Variants in SEMA3C observed in about 807,000 individuals in gnomAD.
SEMA3C encodes semaphorin 3C, also known as semaphorin-3C.
SEMA3C carries 47 observed loss-of-function variants against 89.4 expected under a neutral mutation model. The observed-to-expected ratio is 0.53, with a 90% confidence interval of 0.42 to 0.67. The LOEUF (loss-of-function observed/expected upper bound fraction) is 0.67, where lower values mean the gene tolerates loss of function less well. SEMA3C is among the 30% of genes least tolerant of loss of function. SEMA3C has a pLI of 0.00. For synonymous variants in SEMA3C, 310 were observed against 320.2 expected, an observed-to-expected ratio of 0.97 and a Z score of 0.34; for missense variants, 839 against 929.1, an observed-to-expected ratio of 0.90 and a Z score of 1.26.
In SEMA3C at chr7:80,765,331, T is replaced by G. The variant is rs181235323; in HGVS notation, c.1355-88A>C. The G allele has an allele frequency of 8.7e-6, 8 of 918,516 alleles. No homozygotes were observed. The Admixed American group carries it at 1.7e-4, about 20-fold the overall frequency. The allele number at this position is 918,516 out of a possible 1,614,324, so 56.9% of individuals were successfully genotyped here. ...TAGGACTACTGACTTGGACCATTAT[T>G]TACATAAGTATTTAGTAATCAAAAA... On this transcript the variant is annotated intron_variant, in intron 12 of 17. Transcript: ENST00000265361.
intron 2 of SEMA3C, among the ~76,000 whole-genome samples, chr7:80,849,492 A>G (rs762672032): frequency 4.6e-5 from 7 of 152,192 alleles, no homozygotes; most frequent in Admixed American, 3.9e-4. Flanking sequence ...GCATAAAAAT[A>G]CATGTTCTTA....
At chr7:80,840,249 G>A (rs992028346) in intron 2 of SEMA3C, among the ~76,000 whole-genome samples, 2 of 152,074 alleles carry the variant, frequency 1.3e-5, no homozygotes, top group Admixed American at 1.3e-4. Context: ...GCCAGGTGTG[G>A]TAGCTCATGC....
intron 12 of SEMA3C, among the ~76,000 whole-genome samples, chr7:80,782,254 C>A (rs1359853123): frequency 1.3e-5 from 2 of 152,136 alleles, no homozygotes; most frequent in East Asian, 1.9e-4. Context: ...TTAATTCACA[C>A]ACAAAAATTC....
intron 2 of SEMA3C, among the ~76,000 whole-genome samples, chr7:80,876,311 A>C (rs1791202195): frequency 6.6e-6 from 1 of 152,184 alleles, no homozygotes; most frequent in Non-Finnish European, 1.5e-5. Context: ...ATACTTAAGC[A>C]TTTAACTTAA....
intron 15 of SEMA3C, among the ~76,000 whole-genome samples, chr7:80,754,304 C>T (rs1031117016): frequency 3.3e-5 from 5 of 152,100 alleles, no homozygotes; most frequent in Non-Finnish European, 7.4e-5. Flanking sequence ...TTCATTATGT[C>T]AAAGTATGGA....
chr7:80,764,421 G>A (rs1439060582), intron 13 of SEMA3C, among the ~76,000 whole-genome samples: 3 of 152,114 alleles, frequency 2.0e-5, no homozygotes, highest in Non-Finnish European at 2.9e-5. Flanking sequence ...AGCACCACTT[G>A]AACTACAGTG....
intron 15 of SEMA3C, among the ~76,000 whole-genome samples, chr7:80,752,093 C>T (rs1013790816): frequency 3.3e-5 from 5 of 152,128 alleles, no homozygotes; most frequent in Non-Finnish European, 7.4e-5. Context: ...ATGCTTCACC[C>T]GTAAGTGCTT....
chr7:80,818,522 G>T, intron 4 of SEMA3C, 104 bp from the exon 5 acceptor site: 2 of 1,327,634 alleles, frequency 1.5e-6, no homozygotes, highest in Non-Finnish European at 2.1e-6. Context: ...ACAATGAGGT[G>T]ACATAAACTT....
chr7:80,746,503 C>T (rs531084767), intron 17 of SEMA3C, among the ~76,000 whole-genome samples: 151 of 151,842 alleles, frequency 9.9e-4, no homozygotes, highest in African/African-American at 3.5e-3. Flanking sequence ...ATGGTAAATC[C>T]ATTAAACATG....
At chr7:80,913,153 C>A (rs1411502018) in intron 2 of SEMA3C, among the ~76,000 whole-genome samples, 1 of 152,122 alleles carries the variant, frequency 6.6e-6, no homozygotes, top group Non-Finnish European at 1.5e-5. Context: ...GTAATGTCAA[C>A]AATTTGGGAG....
At chr7:80,763,601 C>T (rs1431297859) in intron 13 of SEMA3C, among the ~76,000 whole-genome samples, 1 of 152,150 alleles carries the variant, frequency 6.6e-6, no homozygotes, top group Non-Finnish European at 1.5e-5. Flanking sequence ...CAGACTAACT[C>T]ATGTTTCTTT....
chr7:80,761,479 G>A (rs370090437), intron 14 of SEMA3C, 137 bp downstream of exon 14: 8 of 471,560 alleles, frequency 1.7e-5, no homozygotes, highest in South Asian at 1.1e-4. Context: ...AATTAAAGGT[G>A]ACTTTGCGGT....
intron 2 of SEMA3C, among the ~76,000 whole-genome samples, chr7:80,909,616 C>T (rs73374900): frequency 0.049 from 7,399 of 152,086 alleles, 490 homozygotes; most frequent in East Asian, 0.15. Flanking sequence ...CATAAGATTA[C>T]TTTAATGGAT....
At chr7:80,775,533 T>G (rs1337935567) in intron 12 of SEMA3C, among the ~76,000 whole-genome samples, 2 of 152,202 alleles carry the variant, frequency 1.3e-5, no homozygotes, top group African/African-American at 4.8e-5. Context: ...CTATTTTTAA[T>G]GCAGGCCCAT....
intron 12 of SEMA3C, among the ~76,000 whole-genome samples, chr7:80,781,453 G>A (rs896844117): frequency 3.3e-5 from 5 of 151,976 alleles, no homozygotes; most frequent in Non-Finnish European, 5.9e-5. Flanking sequence ...ACTATATTTC[G>A]CATTCTATAA....
rs77297431 is a variant in SEMA3C, at chr7:80,860,403, G to A, written c.104-31658C>T. 3.5e-3 allele frequency among the ~76,000 whole-genome samples: 535 copies of A among 152,102 alleles called. 9 individuals are homozygous for A. The highest frequency in any genetic ancestry group is 0.035 in the East Asian group (180 of 5,176). On this transcript the variant is annotated intron_variant, in intron 2 of 17. Coordinates refer to ENST00000265361, the MANE Select transcript of SEMA3C (RefSeq NM_006379.5). ...TGTCTATCATGTCTCCTTTCACAGT[G>A]CAGCACCATCATATTTCCATTAACA...
At chr7:80,855,172 T>C (rs1790608658) in intron 2 of SEMA3C, among the ~76,000 whole-genome samples, 1 of 152,182 alleles carries the variant, frequency 6.6e-6, no homozygotes, top group Non-Finnish European at 1.5e-5. Flanking sequence ...AAATGGAACA[T>C]ATTTTAAAGT....
intron 2 of SEMA3C, chr7:80,847,110 C>T (rs899082664): frequency 6.6e-6 from 1 of 152,218 alleles, no homozygotes; most frequent in Non-Finnish European, 1.5e-5. Context: ...GACTGGAAGG[C>T]TGTGCCTGTT....
At chr7:80,761,190 G>A (rs1788175120) in intron 14 of SEMA3C, among the ~76,000 whole-genome samples, 1 of 151,978 alleles carries the variant, frequency 6.6e-6, no homozygotes, top group Non-Finnish European at 1.5e-5. Context: ...AATACACTGT[G>A]CATTTCAAAT....
Sources: allele counts gnomAD v4.1 joint callset (sites outside exome capture counted in the v4.1 genomes callset), GRCh38; gene constraint gnomAD v4.1.1; transcripts MANE v1.5; gene names NCBI Gene and HGNC (gene_info 2026-07-23, HGNC 2026-07-21).